Variants in DNMBP observed in about 807,000 individuals in gnomAD.
The protein encoded by DNMBP is dynamin binding protein, also known as dynamin-binding protein.
In DNMBP, 87 loss-of-function variants were observed where a neutral mutation model predicts 150.0. That is an observed-to-expected ratio of 0.58 (90% confidence interval 0.49 to 0.69). DNMBP has a LOEUF of 0.69. Among genes scored for constraint, DNMBP ranks in the 30% least tolerant of loss-of-function variants. The pLI, the probability that DNMBP is intolerant of heterozygous loss-of-function variation, is 0.00. For synonymous variants in DNMBP, 711 were observed against 750.4 expected (o/e 0.95, Z 0.86); for missense variants, 1,774 against 1,949.0 (o/e 0.91, Z 1.69).
intron 4 of DNMBP, among the ~76,000 whole-genome samples, chr10:99,915,915 C>T (rs1192368549): frequency 6.6e-6 from 1 of 152,174 alleles, no homozygotes; most frequent in Non-Finnish European, 1.5e-5. Flanking sequence ...AGTCTGTGCT[C>T]TTTACCAATA....
chr10:99,964,872 A>AG (rs1353331701), intron 3 of DNMBP, among the ~76,000 whole-genome samples: 4 of 107,340 alleles, frequency 3.7e-5, no homozygotes, highest in African/African-American at 1.0e-4. Context: ...CTCCAGCCCA[A>AG]GGAAAAAAAA....
intron 6 of DNMBP, among the ~76,000 whole-genome samples, chr10:99,900,693 A>C (rs1357882913): frequency 6.6e-6 from 1 of 151,926 alleles, no homozygotes; most frequent in African/African-American, 2.4e-5. Flanking sequence ...GTGCAGTGGC[A>C]CATCTCGGCT....
At chr10:99,993,332 G>C (rs1215113996) in intron 1 of DNMBP, among the ~76,000 whole-genome samples, 2 of 152,138 alleles carry the variant, frequency 1.3e-5, no homozygotes, top group Non-Finnish European at 2.9e-5. Context: ...AGTTTCTTTT[G>C]GGGGTAATGA....
chr10:99,995,056 ATT>A (rs752654175), intron 1 of DNMBP, among the ~76,000 whole-genome samples: 5 of 128,096 alleles, frequency 3.9e-5, no homozygotes, highest in Admixed American at 8.1e-5. Flanking sequence ...CTTGAAAACA[ATT>A]TTTTTTTTTT....
At chr10:99,881,521 T>C (rs565244308) in intron 15 of DNMBP, among the ~76,000 whole-genome samples, 8 of 152,338 alleles carry the variant, frequency 5.3e-5, no homozygotes, top group Non-Finnish European at 1.2e-4. Context: ...CCAGAGTATG[T>C]AGCCTCCATG....
intron 1 of DNMBP, among the ~76,000 whole-genome samples, chr10:99,987,549 C>T (rs945165188): frequency 2.0e-5 from 3 of 152,084 alleles, no homozygotes; most frequent in African/African-American, 7.2e-5. Flanking sequence ...ACATGGCCAA[C>T]ATGGCAAAAC....
intron 3 of DNMBP, chr10:99,958,083 G>C (rs780856848): frequency 2.6e-5 from 4 of 152,240 alleles, no homozygotes; most frequent in Middle Eastern, 3.4e-3. Flanking sequence ...AGCCGAGATC[G>C]CACCACTGCA....
chr10:99,898,671 G>C, intron 8 of DNMBP, 72 bp downstream of exon 8: 1 of 1,520,856 alleles, frequency 6.6e-7, no homozygotes, highest in Non-Finnish European at 9.1e-7. Context: ...AGAAAATACA[G>C]TTGCTTAAGA....
In DNMBP at chr10:99,965,280, G is replaced by A. The variant is rs79652224; in HGVS notation, c.268+3835C>T. Among the ~76,000 whole-genome samples, 911 of 152,242 alleles carry A rather than the reference G, an allele frequency of 6.0e-3. 5 individuals are homozygous for A. Among genetic ancestry groups the A allele is most frequent in the Non-Finnish European group, 9.7e-3 (658 of 68,014 alleles). ...CTTAAGTAACTAGTCCAAGGTCACA[G>A]CTATTAAGTGGTGGACTTGGATTTA... On this transcript the variant is annotated intron_variant, in intron 3 of 16. Coordinates refer to ENST00000324109, the MANE Select transcript of DNMBP (RefSeq NM_015221.4).
intron 4 of DNMBP, chr10:99,914,114 A>T: frequency 7.4e-7 from 1 of 1,359,982 alleles, no homozygotes; most frequent in Non-Finnish European, 9.6e-7. Flanking sequence ...TGAATCGCGC[A>T]AGTCACCCGG....
At chr10:100,007,039 C>T (rs555200739) in intron 1 of DNMBP, among the ~76,000 whole-genome samples, 1 of 151,962 alleles carries the variant, frequency 6.6e-6, no homozygotes, top group Admixed American at 6.6e-5. Flanking sequence ...CACTTGAGCC[C>T]AGGAGGTTGA....
chr10:99,971,335 CTTTT>C (rs1484099657), intron 2 of DNMBP, among the ~76,000 whole-genome samples: 5 of 149,818 alleles, frequency 3.3e-5, no homozygotes, highest in Admixed American at 6.7e-5. Context: ...TCCTTTCTTT[CTTTT>C]CTTTCTCTTC....
At chr10:99,895,371 C>A (rs954890786) in intron 10 of DNMBP, among the ~76,000 whole-genome samples, 1 of 152,092 alleles carries the variant, frequency 6.6e-6, no homozygotes, top group Non-Finnish European at 1.5e-5. Flanking sequence ...AGGTGATCCA[C>A]CCCGCCTTGG....
chr10:99,916,433 C>T (rs960254588), intron 4 of DNMBP, among the ~76,000 whole-genome samples: 1 of 152,296 alleles, frequency 6.6e-6, no homozygotes, highest in African/African-American at 2.4e-5. Flanking sequence ...GAGCGAGACT[C>T]TGTCTCAAAA....
intron 4 of DNMBP, among the ~76,000 whole-genome samples, chr10:99,922,205 A>G (rs11190322): frequency 0.52 from 78,625 of 151,816 alleles, 20,930 homozygotes; most frequent in Middle Eastern, 0.62. Flanking sequence ...ATCAGGGCGA[A>G]TGAGTCAGAG....
intron 2 of DNMBP, among the ~76,000 whole-genome samples, chr10:99,970,338 G>T (rs910831112): frequency 6.6e-6 from 1 of 152,202 alleles, no homozygotes; most frequent in African/African-American, 2.4e-5. Context: ...TGTGGTGTGG[G>T]AAAAGCTTCC....
chr10:99,973,013 C>CT (rs2040694573), intron 1 of DNMBP, among the ~76,000 whole-genome samples: 1 of 152,182 alleles, frequency 6.6e-6, no homozygotes, highest in Admixed American at 6.5e-5. Flanking sequence ...AACTCCTGGC[C>CT]TCAAGTGATC....
In DNMBP at chr10:99,924,872, G is replaced by A. The variant is rs2040060937; in HGVS notation, c.2261-15726C>T. On this transcript the variant is annotated intron_variant, in intron 4 of 16. Coordinates refer to ENST00000324109, the MANE Select transcript of DNMBP (RefSeq NM_015221.4). ...TCAATGCAGGTTTTTCTTATCTTGGGAGAAAGACAAAACAGAAGATTTTCC... is the reference window on the plus strand; with the variant it reads ...TCAATGCAGGTTTTTCTTATCTTGGAAGAAAGACAAAACAGAAGATTTTCC... 2.6e-5 allele frequency among the ~76,000 whole-genome samples: 4 copies of A among 152,170 alleles called. No homozygotes were observed. The South Asian group carries it at 6.2e-4, about 24-fold the overall frequency.
At chr10:99,989,205 A>C (rs1056789458) in intron 1 of DNMBP, among the ~76,000 whole-genome samples, 2 of 152,246 alleles carry the variant, frequency 1.3e-5, no homozygotes, top group Non-Finnish European at 2.9e-5. Flanking sequence ...TTTACTGTGT[A>C]ATCATGCAGT....
Sources: allele counts gnomAD v4.1 joint callset (sites outside exome capture counted in the v4.1 genomes callset), GRCh38; gene constraint gnomAD v4.1.1; transcripts MANE v1.5; gene names NCBI Gene and HGNC (gene_info 2026-07-23, HGNC 2026-07-21).